Variants in PHACTR3 observed in about 807,000 individuals in gnomAD.
PHACTR3 encodes protein phosphatase 1, regulatory subunit 123.
In PHACTR3, 16 loss-of-function variants were observed where a neutral mutation model predicts 66.8. That is an observed-to-expected ratio of 0.24 (90% CI 0.16 to 0.36). The LOEUF (loss-of-function observed/expected upper bound fraction) is 0.36. PHACTR3 is among the 10% of genes least tolerant of loss of function. The pLI, the probability that PHACTR3 is intolerant of heterozygous loss-of-function variation, is 1.00. For missense variants in PHACTR3, 647 were observed against 719.9 expected (o/e 0.90, Z 1.16); for synonymous variants, 323 against 292.1 (o/e 1.11, Z -1.08).
At chr20:59,591,217 G>C (rs997507866) in intron 1 of PHACTR3, among the ~76,000 whole-genome samples, 1 of 152,118 alleles carries the variant, frequency 6.6e-6, no homozygotes, top group Non-Finnish European at 1.5e-5. Context: ...GGCCATTCTC[G>C]TCCCTCGCAC....
chr20:59,613,113 A>G (rs935773503), intron 1 of PHACTR3, among the ~76,000 whole-genome samples: 2 of 152,138 alleles, frequency 1.3e-5, no homozygotes, highest in African/African-American at 4.8e-5. Context: ...TCAACATGAG[A>G]TTTGGAGGGG....
At chr20:59,707,819 T>C (rs910743506) in intron 1 of PHACTR3, among the ~76,000 whole-genome samples, 3 of 152,132 alleles carry the variant, frequency 2.0e-5, no homozygotes, top group African/African-American at 7.2e-5. Context: ...CCTTCCACCA[T>C]GAGTGGAACT....
intron 7 of PHACTR3, among the ~76,000 whole-genome samples, chr20:59,780,264 C>T (rs1358983035): frequency 6.6e-6 from 1 of 152,212 alleles, no homozygotes; most frequent in Non-Finnish European, 1.5e-5. Flanking sequence ...CACCTGGGCC[C>T]ATGTAAGGAC....
intron 8 of PHACTR3, among the ~76,000 whole-genome samples, chr20:59,832,055 G>A (rs1413559468): frequency 1.3e-5 from 2 of 152,132 alleles, no homozygotes; most frequent in Admixed American, 1.3e-4. Context: ...CTCTGTGCTG[G>A]GAGAATGCTT....
chr20:59,779,457 C>A (rs539200235), intron 7 of PHACTR3, among the ~76,000 whole-genome samples: 92 of 152,310 alleles, frequency 6.0e-4, no homozygotes, highest in Middle Eastern at 3.4e-3. Flanking sequence ...CTTCTCTCTG[C>A]AGTGTGTTGA....
At chr20:59,720,317 G>T (rs2090810803) in intron 1 of PHACTR3, among the ~76,000 whole-genome samples, 1 of 152,198 alleles carries the variant, frequency 6.6e-6, no homozygotes. Flanking sequence ...AAACACAAAA[G>T]CTGCCCATCA....
At chr20:59,597,973 T>C (rs989753910) in intron 1 of PHACTR3, among the ~76,000 whole-genome samples, 3 of 152,228 alleles carry the variant, frequency 2.0e-5, no homozygotes, top group African/African-American at 7.2e-5. Flanking sequence ...TCTCCTTTCA[T>C]TAGCTAGAGT....
In PHACTR3 at chr20:59,820,589, A is replaced by G. The variant is rs1291460099; in HGVS notation, c.1328+14395A>G. On this transcript the variant is annotated intron_variant, in intron 8 of 12. Coordinates refer to ENST00000371015, the MANE Select transcript of PHACTR3 (RefSeq NM_080672.5). This position sits in a 1 kb window ranked among gnomAD's most constrained non-coding sequence, Gnocchi z 4.6. ...CCCATCTGTGTGTGGCATGCAGGGT[A>G]CAGGGAGTGGGTCCCGAGTCCCATC... Among the ~76,000 whole-genome samples the G allele has an allele frequency of 6.6e-6, 1 of 152,140 alleles. No homozygotes were observed. Among genetic ancestry groups the G allele is most frequent in the Admixed American group, 6.5e-5 (1 of 15,282 alleles).
intron 3 of PHACTR3, among the ~76,000 whole-genome samples, chr20:59,753,367 G>A (rs4812128): frequency 0.063 from 9,612 of 152,170 alleles, 686 homozygotes; most frequent in East Asian, 0.33. Flanking sequence ...AGACGTGTGC[G>A]GCAGAGGGAA....
At chr20:59,683,720 T>TAATACCAA (rs1284750861) in intron 1 of PHACTR3, among the ~76,000 whole-genome samples, 1 of 152,216 alleles carries the variant, frequency 6.6e-6, no homozygotes, top group Non-Finnish European at 1.5e-5. Flanking sequence ...AGGGTCGTCA[T>TAATACCAA]AATACCAAAC....
chr20:59,622,987 A>AAAAAAAAAAAAAAAAAAAAAAAAAAAAC (rs1568940535), intron 1 of PHACTR3, among the ~76,000 whole-genome samples: 1 of 143,322 alleles, frequency 7.0e-6, no homozygotes, highest in Non-Finnish European at 1.5e-5. Context: ...TAACCAAAAA[A>AAAAAAAAAAAAAAAAAAAAAAAAAAAAC]AAAAAAAAAA....
At chr20:59,816,423 T>C (rs2041889586) in intron 8 of PHACTR3, among the ~76,000 whole-genome samples, 1 of 152,172 alleles carries the variant, frequency 6.6e-6, no homozygotes, top group Admixed American at 6.5e-5. Flanking sequence ...TTCCTTCCTG[T>C]GTGATAGGCC....
At chr20:59,620,946 G>A (rs74898106) in intron 1 of PHACTR3, among the ~76,000 whole-genome samples, 1 of 152,328 alleles carries the variant, frequency 6.6e-6, no homozygotes, top group South Asian at 2.1e-4. Flanking sequence ...TTACACTAGT[G>A]TGGACGCCTG....
At chr20:59,586,918 C>A (rs1273850491) in intron 1 of PHACTR3, among the ~76,000 whole-genome samples, 1 of 152,216 alleles carries the variant, frequency 6.6e-6, no homozygotes, top group Non-Finnish European at 1.5e-5. Context: ...CTGCTGGATT[C>A]TTGGTCGTTC....
rs183216540 is a variant in PHACTR3, at chr20:59,809,296, G to A, written c.1328+3102G>A. ...AGTTGTGCTTGGGGCGCAGGTGCAGGTTGCATTTCTACCAGCGGTTGGGAC... is the reference window on the plus strand; with the variant it reads ...AGTTGTGCTTGGGGCGCAGGTGCAGATTGCATTTCTACCAGCGGTTGGGAC... On this transcript the variant is annotated intron_variant, in intron 8 of 12. Transcript: ENST00000371015. Among the ~76,000 whole-genome samples the A allele has an allele frequency of 5.8e-3, 880 of 152,230 alleles. 7 individuals carry two copies. Among genetic ancestry groups the A allele is most frequent in the Non-Finnish European group, 6.4e-3 (436 of 68,016 alleles).
chr20:59,760,628 T>G (rs2039964974), intron 4 of PHACTR3, among the ~76,000 whole-genome samples: 1 of 152,212 alleles, frequency 6.6e-6, no homozygotes, highest in Non-Finnish European at 1.5e-5. Flanking sequence ...TATATGGAAC[T>G]ATGAGTCCAT....
At chr20:59,783,879 G>A (rs2040813463) in intron 7 of PHACTR3, among the ~76,000 whole-genome samples, 1 of 152,250 alleles carries the variant, frequency 6.6e-6, no homozygotes, top group East Asian at 1.9e-4. Flanking sequence ...GAAAGCAGCT[G>A]TTCTGGGCCA....
chr20:59,829,556 A>G lies in PHACTR3; in HGVS notation c.1329-6949A>G, dbSNP rs560889923. On this transcript the variant is annotated intron_variant, in intron 8 of 12. Transcript: ENST00000371015. The surrounding 1 kb of genome is among the most constrained non-coding windows in gnomAD (Gnocchi z 4.2). The stretch of plus-strand genomic sequence containing the variant: ...AGACATCTGCCCCATTCACCATCAG[A>G]TGTCTGAGGATGCATCAATGCGTCG... 2.6e-5 allele frequency among the ~76,000 whole-genome samples: 4 copies of G among 152,320 alleles called. No individual in the cohort carries two copies. The highest frequency in any genetic ancestry group is 4.1e-4 in the South Asian group (2 of 4,832).
intron 7 of PHACTR3, among the ~76,000 whole-genome samples, chr20:59,805,435 A>G (rs1049084246): frequency 1.3e-5 from 2 of 152,176 alleles, no homozygotes; most frequent in African/African-American, 2.4e-5. Context: ...AACTGAAAAG[A>G]TATCAGTTGG....
Sources: gnomAD v4.1 joint callset for allele counts (sites outside exome capture counted in the v4.1 genomes callset) on GRCh38, gnomAD v4.1.1 for gene constraint, Gnocchi (gnomAD v3.1) non-coding constraint, MANE v1.5 for transcripts, NCBI Gene and HGNC (gene_info 2026-07-23, HGNC 2026-07-21) for gene names.